The following TBXAS1 variants were observed in gnomAD, a reference collection of about 807,000 sequenced individuals.
TBXAS1 encodes the protein thromboxane A synthase 1, also known as thromboxane-A synthase.
In TBXAS1, 48 loss-of-function variants were observed where a neutral mutation model predicts 60.7. That is an observed-to-expected ratio of 0.79 (90% CI 0.63 to 1.01). TBXAS1 has a LOEUF of 1.01. Ranked by LOEUF, TBXAS1 falls within the 50% of genes least tolerant of loss-of-function variation. The pLI is 0.00. For missense variants in TBXAS1, 685 were observed against 686.3 expected, an observed-to-expected ratio of 1.00 and a Z score of 0.02; for synonymous variants, 287 against 269.7, an observed-to-expected ratio of 1.06 and a Z score of -0.63.
chr7:139,978,746 T>C (rs1204059777), intron 9 of TBXAS1, among the ~76,000 whole-genome samples: 1 of 135,112 alleles, frequency 7.4e-6, no homozygotes, highest in Non-Finnish European at 1.5e-5. Context: ...AATACCAGCT[T>C]GGGCAATATA....
rs186334665 is a variant in TBXAS1, at chr7:139,822,547, G to A, written c.-79-6765G>A. Among the ~76,000 whole-genome samples the A allele has an allele frequency of 2.8e-3, 422 of 152,210 alleles. 1 individual carries two copies. The highest frequency in any genetic ancestry group is 9.5e-3 in the African/African-American group (394 of 41,534). On this transcript the variant is annotated intron_variant, in intron 4 of 16. Coordinates refer to the TBXAS1 transcript ENST00000336425. Reference sequence around the variant, plus strand: ...CCCGAGCATCTTAATCTGTGGGGCCGCAAGAGGCCTCGTGCTCAGCGTGCA... The same window carrying A: ...CCCGAGCATCTTAATCTGTGGGGCCACAAGAGGCCTCGTGCTCAGCGTGCA...
chr7:139,965,667 T>G (rs1810729865), intron 9 of TBXAS1, among the ~76,000 whole-genome samples: 1 of 152,138 alleles, frequency 6.6e-6, no homozygotes, highest in South Asian at 2.1e-4. Context: ...AAAGCCCTCC[T>G]AAGCCATGCA....
chr7:139,951,878 GGAAA>G lies in TBXAS1; in HGVS notation c.451-1486_451-1483del, dbSNP rs1569518337. On this transcript the variant is annotated intron_variant, in intron 5 of 12. Coordinates refer to ENST00000448866, the MANE Select transcript of TBXAS1 (RefSeq NM_001061.7). ...AGGAAGGAAAGAAGGAAGGAAGGAA[GGAAA>G]GAAGGAAGGAAGGAAGGAAAGAAAG... Among the ~76,000 whole-genome samples, 214 of 59,110 alleles carry G rather than the reference GGAAA, an allele frequency of 3.6e-3. 12 individuals are homozygous for G. Among genetic ancestry groups the G allele is most frequent in the African/African-American group, 0.016 (202 of 12,632 alleles). The allele number at this position is 59,110 out of a possible 152,430, so 38.8% of individuals were successfully genotyped here. A position where few individuals can be genotyped will look rare whatever the true frequency, so the allele number is the denominator to read the frequency against.
intron 3 of TBXAS1, among the ~76,000 whole-genome samples, chr7:139,898,473 G>C (rs1257684125): frequency 5.9e-5 from 8 of 134,510 alleles, no homozygotes; most frequent in African/African-American, 2.3e-4. Flanking sequence ...TTGTCACCCA[G>C]GCTGGAAAGC....
At chr7:139,818,862 C>A (rs886693675) in intron 4 of TBXAS1, among the ~76,000 whole-genome samples, 3 of 149,608 alleles carry the variant, frequency 2.0e-5, no homozygotes, top group African/African-American at 7.3e-5. Flanking sequence ...TAGAGCAGAC[C>A]CCTGGTAGCA....
intron 1 of TBXAS1, among the ~76,000 whole-genome samples, chr7:139,853,597 A>G (rs1435207750): frequency 6.6e-6 from 1 of 152,102 alleles, no homozygotes; most frequent in Non-Finnish European, 1.5e-5. Context: ...AGCATCCTGT[A>G]ACTGTTTCCT....
chr7:139,829,272 T>A lies in TBXAS1; in HGVS notation c.-119T>A, dbSNP rs1363366671. 1 of 859,442 alleles carries A rather than the reference T, an allele frequency of 1.2e-6. No individual in the cohort carries two copies. The highest frequency in any genetic ancestry group is 1.9e-6 in the Non-Finnish European group (1 of 521,334). 53.2% of individuals were successfully genotyped at this position (859,442 alleles called of 1,614,324 possible). On this transcript the variant is annotated 5_prime_UTR_variant, in exon 1 of 13. The change abolishes the stop of an existing upstream ORF in the 5' untranslated region. Coordinates refer to ENST00000448866, the MANE Select transcript of TBXAS1 (RefSeq NM_001061.7). ...GCACATTGTGGGGGCCCACTCCATG[T>A]GATGTTTGCTTGGTTGCCTGTTCCC... is the stretch of plus-strand genomic sequence containing the variant.
intron 9 of TBXAS1, among the ~76,000 whole-genome samples, chr7:139,978,216 AAAT>A (rs1490537474): frequency 6.6e-6 from 1 of 152,186 alleles, no homozygotes; most frequent in African/African-American, 2.4e-5. Context: ...ATTATGATAG[AAAT>A]AATAAGAGGC....
chr7:139,812,319 C>T (rs1798038903), intron 4 of TBXAS1, among the ~76,000 whole-genome samples: 1 of 152,202 alleles, frequency 6.6e-6, no homozygotes, highest in Non-Finnish European at 1.5e-5. Flanking sequence ...GGGGTGAACT[C>T]CTCGGTGACA....
chr7:140,009,420 G>A (rs1453793244), intron 10 of TBXAS1, among the ~76,000 whole-genome samples: 1 of 152,130 alleles, frequency 6.6e-6, no homozygotes, highest in Non-Finnish European at 1.5e-5. Context: ...GCAAGAGGCA[G>A]TGGGTGGCAC....
At chr7:139,979,182 C>A (rs1272831240) in intron 9 of TBXAS1, among the ~76,000 whole-genome samples, 2 of 152,098 alleles carry the variant, frequency 1.3e-5, no homozygotes, top group Admixed American at 1.3e-4. Flanking sequence ...TGTTTTCTTA[C>A]CACCACCGGA....
At chr7:139,936,436 C>T in intron 5 of TBXAS1, 129 bp downstream of exon 5, 2 of 902,980 alleles carry the variant, frequency 2.2e-6, no homozygotes, top group South Asian at 2.6e-5. Context: ...CCCACTGGGA[C>T]CTTCAGACCT....
intron 1 of TBXAS1, among the ~76,000 whole-genome samples, chr7:139,779,402 A>C (rs1796904703): frequency 6.6e-6 from 1 of 152,118 alleles, no homozygotes; most frequent in East Asian, 1.9e-4. Context: ...CCCTTCTCTT[A>C]ACCTAATGCC....
At chr7:139,967,228 C>T (rs772878140) in intron 9 of TBXAS1, among the ~76,000 whole-genome samples, 1 of 152,192 alleles carries the variant, frequency 6.6e-6, no homozygotes, top group Non-Finnish European at 1.5e-5. Context: ...CTGCCCTCTC[C>T]TTCCTCCCTC....
intron 4 of TBXAS1, among the ~76,000 whole-genome samples, chr7:139,818,206 G>A (rs1013797450): frequency 6.6e-6 from 1 of 152,164 alleles, no homozygotes; most frequent in African/African-American, 2.4e-5. Flanking sequence ...GGAGGTGGTG[G>A]CTACTCTAAG....
At chr7:139,802,496 A>G (rs939040204) in intron 4 of TBXAS1, among the ~76,000 whole-genome samples, 3 of 152,198 alleles carry the variant, frequency 2.0e-5, no homozygotes, top group African/African-American at 7.2e-5. Flanking sequence ...TATAAAGGCC[A>G]GTTCCCGGCT....
chr7:139,986,785 GTGTGTGTGTGTGTGTATATATATATATA>G (rs1297698944), intron 9 of TBXAS1, among the ~76,000 whole-genome samples: 8 of 50,146 alleles, frequency 1.6e-4, no homozygotes, highest in Admixed American at 1.5e-3. Flanking sequence ...GTGTGTGTGT[GTGTGTGTGTGTGTGTATATATATATATA>G]TATACACCAT....
At chr7:140,019,875 C>G in intron 12 of TBXAS1, 150 bp from the exon 13 acceptor site, 1 of 732,660 alleles carries the variant, frequency 1.4e-6, no homozygotes, top group Non-Finnish European at 2.4e-6. Flanking sequence ...CGGCTGGAGT[C>G]ACTGAAAGAT....
intron 9 of TBXAS1, among the ~76,000 whole-genome samples, chr7:139,967,044 T>C (rs1205338132): frequency 6.6e-6 from 1 of 152,208 alleles, no homozygotes; most frequent in African/African-American, 2.4e-5. Flanking sequence ...CACTGCATAA[T>C]TCCCTGCCAG....
Sources: allele counts gnomAD v4.1 joint callset (sites outside exome capture counted in the v4.1 genomes callset), GRCh38; gene constraint gnomAD v4.1.1; transcripts MANE v1.5; gene names NCBI Gene and HGNC (gene_info 2026-07-23, HGNC 2026-07-21).